Variants in FOXN3 observed in about 807,000 individuals in gnomAD.
FOXN3 encodes forkhead box protein N3.
In FOXN3, 7 loss-of-function variants were observed where a neutral mutation model predicts 38.4. That is an observed-to-expected ratio of 0.18 (90% CI 0.10 to 0.34). The LOEUF (loss-of-function observed/expected upper bound fraction) is 0.34. Among genes scored for constraint, FOXN3 ranks in the 10% least tolerant of loss-of-function variants. FOXN3 has a pLI of 1.00. For missense variants in FOXN3, 456 were observed against 613.4 expected (o/e 0.74, Z 2.71); for synonymous variants, 230 against 242.2 (o/e 0.95, Z 0.47).
chr14:89,376,556 A>C (rs1300772402), intron 2 of FOXN3, among the ~76,000 whole-genome samples: 1 of 152,198 alleles, frequency 6.6e-6, no homozygotes, highest in East Asian at 1.9e-4. Flanking sequence ...GTGCCCAAGT[A>C]TCTCTCCGTA....
chr14:89,503,753 T>C (rs1893849785), intron 1 of FOXN3, among the ~76,000 whole-genome samples: 1 of 152,218 alleles, frequency 6.6e-6, no homozygotes, highest in South Asian at 2.1e-4. Flanking sequence ...CCCGCAGCTC[T>C]GTTTGGTCAC....
At chr14:89,179,477 G>A (rs892074570) in intron 5 of FOXN3, among the ~76,000 whole-genome samples, 1 of 152,172 alleles carries the variant, frequency 6.6e-6, no homozygotes, top group African/African-American at 2.4e-5. Context: ...AACTTGATCC[G>A]TAAACGCAGA....
At chr14:89,579,896 A>G (rs1009072619) in intron 1 of FOXN3, among the ~76,000 whole-genome samples, 4 of 152,234 alleles carry the variant, frequency 2.6e-5, no homozygotes, top group Admixed American at 2.6e-4. Context: ...TCTCACTGCT[A>G]CAGAGTACAT....
At chr14:89,209,793 G>T (rs1434489509) in intron 4 of FOXN3, among the ~76,000 whole-genome samples, 2 of 152,162 alleles carry the variant, frequency 1.3e-5, no homozygotes, top group African/African-American at 4.8e-5. Context: ...ACAACACAAA[G>T]GAACAAGTCT....
intron 1 of FOXN3, among the ~76,000 whole-genome samples, chr14:89,551,060 G>T (rs967690473): frequency 5.3e-5 from 8 of 152,206 alleles, no homozygotes; most frequent in Non-Finnish European, 1.2e-4. Flanking sequence ...CATCTTATCA[G>T]CCTTTGAAGT....
intron 1 of FOXN3, among the ~76,000 whole-genome samples, chr14:89,536,905 G>C (rs558520720): frequency 5.9e-5 from 9 of 152,084 alleles, no homozygotes; most frequent in African/African-American, 2.2e-4. Context: ...CCCCATCACC[G>C]GGAAATTATA....
chr14:89,176,521 G>A (rs1387576090), intron 5 of FOXN3, among the ~76,000 whole-genome samples: 1 of 152,220 alleles, frequency 6.6e-6, no homozygotes, highest in Non-Finnish European at 1.5e-5. Context: ...GACTGGGGCA[G>A]CAACCCCTGT....
At chr14:89,401,956 T>C (rs765361958) in intron 2 of FOXN3, among the ~76,000 whole-genome samples, 10 of 152,108 alleles carry the variant, frequency 6.6e-5, no homozygotes, top group Non-Finnish European at 1.5e-4. Flanking sequence ...ATTTACTGTC[T>C]CCTGCTGAGT....
intron 2 of FOXN3, among the ~76,000 whole-genome samples, chr14:89,403,443 C>A (rs1596254844): frequency 6.6e-6 from 1 of 152,156 alleles, no homozygotes; most frequent in African/African-American, 2.4e-5. Flanking sequence ...AAGTGATCCG[C>A]CCCACCTCGG....
intron 4 of FOXN3, among the ~76,000 whole-genome samples, chr14:89,271,725 C>A (rs1886155373): frequency 6.6e-6 from 1 of 152,084 alleles, no homozygotes. Flanking sequence ...GAAAATGAAG[C>A]ACCTTAATTA....
intron 3 of FOXN3, among the ~76,000 whole-genome samples, chr14:89,296,926 C>T (rs993596569): frequency 6.6e-6 from 1 of 152,110 alleles, no homozygotes; most frequent in East Asian, 1.9e-4. Context: ...TGTGAGCCAC[C>T]GCATCCAGCC....
intron 1 of FOXN3, among the ~76,000 whole-genome samples, chr14:89,586,334 T>A (rs924157173): frequency 2.2e-4 from 34 of 151,954 alleles, no homozygotes; most frequent in African/African-American, 8.0e-4. Flanking sequence ...AAGCTGAGGC[T>A]AAAAAGGAAA....
intron 2 of FOXN3, among the ~76,000 whole-genome samples, chr14:89,371,247 G>A (rs1890311083): frequency 6.6e-6 from 1 of 152,094 alleles, no homozygotes; most frequent in Non-Finnish European, 1.5e-5. Flanking sequence ...GAGGAAGGTG[G>A]GGGCTCTTAA....
At chr14:89,295,163 C>T (rs76054306) in intron 3 of FOXN3, among the ~76,000 whole-genome samples, 8,913 of 152,230 alleles carry the variant, frequency 0.059, 405 homozygotes, top group Non-Finnish European at 0.081. Flanking sequence ...TCTCTCCCTC[C>T]GCTGCATGAA....
intron 2 of FOXN3, among the ~76,000 whole-genome samples, chr14:89,362,149 ACCT>A (rs1485041768): frequency 1.9e-3 from 42 of 22,226 alleles, no homozygotes; most frequent in Admixed American, 0.01. Flanking sequence ...CTCCAGCACC[ACCT>A]CCACCACCAC....
chr14:89,477,917 A>G (rs982770428), intron 1 of FOXN3, among the ~76,000 whole-genome samples: 4 of 152,048 alleles, frequency 2.6e-5, no homozygotes, highest in Non-Finnish European at 4.4e-5. Flanking sequence ...AGGAGACTGG[A>G]TCTGGCCTGA....
intron 4 of FOXN3, among the ~76,000 whole-genome samples, chr14:89,225,976 C>G (rs1596115162): frequency 6.6e-6 from 1 of 152,188 alleles, no homozygotes; most frequent in East Asian, 1.9e-4. Context: ...GGCCTCTGGA[C>G]AAGTATTCTT....
intron 3 of FOXN3, among the ~76,000 whole-genome samples, chr14:89,315,908 C>A (rs1221687474): frequency 6.6e-6 from 1 of 152,104 alleles, no homozygotes; most frequent in African/African-American, 2.4e-5. Flanking sequence ...AGCTCTCTAA[C>A]CACTGGCTGC....
At chr14:89,337,490 G>A (rs781294617) in intron 3 of FOXN3, among the ~76,000 whole-genome samples, 15 of 152,114 alleles carry the variant, frequency 9.9e-5, no homozygotes, top group East Asian at 1.9e-4. Context: ...GGAGAGCTCC[G>A]GCGCCTTACC....
Sources: allele counts gnomAD v4.1 joint callset (sites outside exome capture counted in the v4.1 genomes callset), GRCh38; gene constraint gnomAD v4.1.1; transcripts MANE v1.5; gene names NCBI Gene and HGNC (gene_info 2026-07-23, HGNC 2026-07-21).